Variants in MEGF8 observed in about 807,000 individuals in gnomAD.
MEGF8 encodes multiple EGF like domains 8.
A neutral mutation model predicts 302.9 loss-of-function variants in MEGF8; 156 were observed. The observed-to-expected ratio is 0.52, with a 90% CI of 0.45 to 0.59. MEGF8 has a LOEUF of 0.59. Ranked by LOEUF, MEGF8 falls within the 20% of genes least tolerant of loss-of-function variation. The pLI, the probability that MEGF8 is intolerant of heterozygous loss-of-function variation, is 0.00. For synonymous variants in MEGF8, 1,621 were observed against 1,660.5 expected (o/e 0.98, Z 0.58); for missense variants, 3,345 against 3,964.5 (o/e 0.84, Z 4.20).
intron 9 of MEGF8, 28 bp downstream of exon 9, chr19:42,343,659 T>C (rs1186459612): frequency 6.4e-7 from 1 of 1,572,438 alleles, no homozygotes. Flanking sequence ...AGGGAAAGGG[T>C]GGCTGGGGGG....
chr19:42,336,790 T>C lies in MEGF8; in HGVS notation c.1245-17T>C. On this transcript the variant is annotated splice_polypyrimidine_tract_variant and intron_variant, in intron 6 of 41. Transcript: ENST00000251268. This position sits in a 1 kb window ranked among gnomAD's most constrained non-coding sequence, Gnocchi z 4.8. ...CGCTTCCTGCCCTGAGCCCCTGCCC[T>C]GCTTCTCCTTCGGTAGGTTCTCTGT... is the stretch of plus-strand genomic sequence containing the variant. 1 of 1,567,810 alleles carries C rather than the reference T, an allele frequency of 6.4e-7. No individual in the cohort carries two copies. Among genetic ancestry groups the C allele is most frequent in the Non-Finnish European group, 8.6e-7 (1 of 1,157,812 alleles).
At chr19:42,348,854 G>A (rs1216318824) in intron 13 of MEGF8, among the ~76,000 whole-genome samples, 2 of 152,250 alleles carry the variant, frequency 1.3e-5, no homozygotes, top group Non-Finnish European at 2.9e-5. Context: ...CGCCACCTTG[G>A]CCTCCCAAAG....
At chr19:42,370,105 T>C in intron 38 of MEGF8, 84 bp from the exon 39 acceptor site, 1 of 1,470,228 alleles carries the variant, frequency 6.8e-7, no homozygotes, top group African/African-American at 1.4e-5. Flanking sequence ...CCGTGGGCTC[T>C]CAGAACCTGC....
chr19:42,356,940 T>C lies in MEGF8; in HGVS notation c.4789T>C (p.Trp1597Arg), dbSNP rs2039461327. 3.1e-6 allele frequency: 5 copies of C among 1,610,746 alleles called. No homozygotes were observed. The highest frequency in any genetic ancestry group is 4.2e-6 in the Non-Finnish European group (5 of 1,178,704). The change falls in exon 27 of 42, where the codon TGG (tryptophan) becomes CGG (arginine). Residue 1597 changes from tryptophan to arginine, a missense_variant. Transcript: ENST00000251268. This position sits in a 1 kb window ranked among gnomAD's most constrained non-coding sequence, Gnocchi z 5.2. ...LTAGGVTRDFWVLNLTTLQWR... is the reference protein window; with the variant it reads ...LTAGGVTRDFRVLNLTTLQWR... ...CGCTGGAGGCGTCACCCGTGATTTC[T>C]GGGTCCTCAACCTCACCACCCTGCA...
In MEGF8 at chr19:42,343,942, G is replaced by T. The variant is rs768512156; in HGVS notation, c.1669-12G>T. ...CCCTTGCCTCCCCCTCTGTCCCCTT[G>T]CCTCCCTGCAGTACCACTTGGACTA... On this transcript the variant is annotated splice_polypyrimidine_tract_variant and intron_variant, in intron 9 of 41. Transcript: ENST00000251268. 1 of 1,611,866 alleles carries T rather than the reference G, an allele frequency of 6.2e-7. No homozygotes were observed. Among genetic ancestry groups the T allele is most frequent in the Non-Finnish European group, 8.5e-7 (1 of 1,178,562 alleles).
chr19:42,352,429 G>T lies in MEGF8; in HGVS notation c.3323G>T (p.Gly1108Val). Reference sequence around the variant, plus strand: ...TGTCACTGCCAGCGGGGCTACCAGGGTGATGGCATCTCACACTGCAACCGC... The same window carrying T: ...TGTCACTGCCAGCGGGGCTACCAGGTTGATGGCATCTCACACTGCAACCGC... ...YECHCQRGYQ[G>V]DGISHCNRTC... Residue 1108 changes from glycine (G) to valine (V), a missense_variant, in exon 19 of 42, where the codon GGT (glycine) becomes GTT (valine). Physicochemically the swap from Gly to Val is moderately radical, Grantham distance 109. Transcript: ENST00000251268. The surrounding 1 kb of genome is among the most constrained non-coding windows in gnomAD (Gnocchi z 4.4). 2 of 1,599,284 alleles carry T rather than the reference G, an allele frequency of 1.3e-6. No individual in the cohort carries two copies. The highest frequency in any genetic ancestry group is 1.7e-6 in the Non-Finnish European group (2 of 1,173,088).
intron 1 of MEGF8, among the ~76,000 whole-genome samples, chr19:42,330,516 C>T (rs1262175929): frequency 6.6e-6 from 1 of 152,304 alleles, no homozygotes; most frequent in Non-Finnish European, 1.5e-5. Flanking sequence ...TTCCCCAAAG[C>T]ATGGGTGGGG....
chr19:42,371,441 G>A lies in MEGF8; in HGVS notation c.7228G>A (p.Gly2410Ser). The A allele has an allele frequency of 1.2e-6, 2 of 1,613,876 alleles. No homozygotes were observed. Among genetic ancestry groups the A allele is most frequent in the Non-Finnish European group, 1.7e-6 (2 of 1,179,876 alleles). ...TAACACAGAGACGGGCACATGCCAG[G>A]GCAGCTCCCCCAGTGACCGTCGAGA... The part of the protein sequence containing the change: ...QNNTETGTCQ[G>S]SSPSDRRDCY... The change falls in exon 41 of 42, where the codon GGC becomes AGC. Residue 2410 changes from glycine (G) to serine (S), a missense_variant. Coordinates refer to ENST00000251268, the MANE Select transcript of MEGF8 (RefSeq NM_001271938.2).
intron 1 of MEGF8, among the ~76,000 whole-genome samples, chr19:42,332,963 G>A (rs1011797732): frequency 1.3e-5 from 2 of 152,206 alleles, no homozygotes; most frequent in African/African-American, 4.8e-5. Flanking sequence ...CACACAGCTG[G>A]TAGCTATTTG....
In MEGF8 at chr19:42,335,937, C is replaced by T. The variant is rs2039121337; in HGVS notation, c.835C>T (p.Arg279Cys). 3.4e-6 allele frequency: 5 copies of T among 1,469,542 alleles called. No individual in the cohort carries two copies. Among genetic ancestry groups the T allele is most frequent in the Non-Finnish European group, 4.5e-6 (5 of 1,109,876 alleles). The allele number at this position is 1,469,542 out of a possible 1,614,324, so 91.0% of individuals were successfully genotyped here. The change falls in exon 6 of 42, where the codon CGT becomes TGT. Residue 279 changes from arginine to cysteine, a missense_variant. Physicochemically the swap from Arg to Cys is radical, Grantham distance 180 (BLOSUM62 -3). Coordinates refer to ENST00000251268, the MANE Select transcript of MEGF8 (RefSeq NM_001271938.2). ...SWDLSPAPAA[R>C]HSHVAVAWAG... ...TCTTTTCTCTTCCTCACAGGCTGCC[C>T]GTCACTCCCATGTGGCCGTGGCCTG...
At position 42,348,484 on chromosome 19, in the gene MEGF8, TGGGACATTCAGG is replaced by T; in HGVS notation, c.2298+16_2298+27del. On this transcript the variant is annotated intron_variant, in intron 13 of 41. Transcript: ENST00000251268. ...ACACGGAGAACATGGTGAGGCCGCC[TGGGACATTCAGG>T]GGGTTGTTTATGGTAAATAGGGAGT... The T allele has an allele frequency of 6.6e-7, 1 of 1,507,032 alleles. No homozygotes were observed. The highest frequency in any genetic ancestry group is 8.9e-7 in the Non-Finnish European group (1 of 1,126,958). 93.4% of individuals were successfully genotyped at this position (1,507,032 alleles called of 1,614,324 possible). A position where few individuals can be genotyped will look rare whatever the true frequency, so the allele number is the denominator to read the frequency against.
At chr19:42,333,483 A>C in intron 1 of MEGF8, 122 bp from the exon 2 acceptor site, 7 of 1,124,374 alleles carry the variant, frequency 6.2e-6, no homozygotes, top group African/African-American at 1.6e-5. Context: ...CCCAGGTCTG[A>C]CTCATTCTTG....
In MEGF8 at chr19:42,371,460, G is replaced by A. The variant is rs756370726; in HGVS notation, c.7247G>A (p.Arg2416His). ...GTCQGSSPSD[R>H]RDCYKYQCAK... Reference sequence around the variant, plus strand: ...TGCCAGGGCAGCTCCCCCAGTGACCGTCGAGACTGCTACAAGTACCAGGTG... The same window carrying A: ...TGCCAGGGCAGCTCCCCCAGTGACCATCGAGACTGCTACAAGTACCAGGTG... The change falls in exon 41 of 42, where the codon CGT becomes CAT. Residue 2416 changes from arginine (R) to histidine (H), a missense_variant. Coordinates refer to ENST00000251268, the MANE Select transcript of MEGF8 (RefSeq NM_001271938.2). The A allele has an allele frequency of 9.9e-6, 16 of 1,613,848 alleles. No homozygotes were observed. The highest frequency in any genetic ancestry group is 4.5e-5 in the East Asian group (2 of 44,874).
rs768197711 is a variant in MEGF8, at chr19:42,356,502, C to T, written c.4622+49C>T. 2.1e-5 allele frequency: 30 copies of T among 1,413,386 alleles called. No homozygotes were observed. Among genetic ancestry groups the T allele is most frequent in the Admixed American group, 6.9e-5 (3 of 43,636 alleles). The allele number at this position is 1,413,386 out of a possible 1,614,324, so 87.6% of individuals were successfully genotyped here. On this transcript the variant is annotated intron_variant, in intron 26 of 41. Transcript: ENST00000251268. The surrounding 1 kb of genome is among the most constrained non-coding windows in gnomAD (Gnocchi z 5.2). ...GGATTCGCAAATAAGAGAAGGTCAC[C>T]TCGGGATGCTAAGAGTCACCTCAGA...
intron 35 of MEGF8, among the ~76,000 whole-genome samples, chr19:42,365,418 T>C (rs997408781): frequency 6.6e-6 from 1 of 151,816 alleles, no homozygotes; most frequent in Admixed American, 6.6e-5. Context: ...TGATGGTGTA[T>C]GTGAATGTGA....
At chr19:42,355,697 TGGGGGTGGAAG>T in intron 23 of MEGF8, 50 bp from the exon 24 acceptor site, 1 of 1,491,144 alleles carries the variant, frequency 6.7e-7, no homozygotes, top group Non-Finnish European at 9.0e-7. Context: ...TCTTAGCATC[TGGGGGTGGAAG>T]GGGCCAGGAA....
In MEGF8 at chr19:42,356,760, C is replaced by T; in HGVS notation, c.4623-14C>T. The stretch of plus-strand genomic sequence containing the variant: ...TGACTGTAATGAGGCTGCTTTTTTG[C>T]ACCCTGGCCCCAGGTACTCAGTGAG... On this transcript the variant is annotated splice_polypyrimidine_tract_variant and intron_variant, in intron 26 of 41. Transcript: ENST00000251268. This position sits in a 1 kb window ranked among gnomAD's most constrained non-coding sequence, Gnocchi z 5.2. 1 of 1,534,762 alleles carries T rather than the reference C, an allele frequency of 6.5e-7. No individual in the cohort carries two copies. The highest frequency in any genetic ancestry group is 8.8e-7 in the Non-Finnish European group (1 of 1,138,176).
Position 42,368,644 on chromosome 19 carries a change from C to T in MEGF8, c.6463C>T (p.Leu2155Phe). 1 of 1,551,834 alleles carries T rather than the reference C, an allele frequency of 6.4e-7. No individual in the cohort carries two copies. The highest frequency in any genetic ancestry group is 1.4e-5 in the African/African-American group (1 of 73,740). The change falls in exon 36 of 42, where the codon CTC becomes TTC. Residue 2155 changes from leucine to phenylalanine, a missense_variant. Physicochemically the swap from Leu to Phe is conservative, Grantham distance 22. Coordinates refer to ENST00000251268, the MANE Select transcript of MEGF8 (RefSeq NM_001271938.2). This position sits in a 1 kb window ranked among gnomAD's most constrained non-coding sequence, Gnocchi z 4.9. Reference protein sequence around the residue: ...DGGGRCMEGGLSGPRDGLTCG... With the variant: ...DGGGRCMEGGFSGPRDGLTCG... ...GGGTGGCCGCTGCATGGAGGGTGGA[C>T]TCAGCGGCCCCCGTGATGGTGAGAG...
Position 42,348,466 on chromosome 19 carries a change from G to C in MEGF8, c.2292G>C (p.Glu764Asp). The C allele has an allele frequency of 1.3e-6, 2 of 1,517,810 alleles. No individual in the cohort carries two copies. The highest frequency in any genetic ancestry group is 1.8e-6 in the Non-Finnish European group (2 of 1,132,900). 94.0% of individuals were successfully genotyped at this position (1,517,810 alleles called of 1,614,324 possible). A position where few individuals can be genotyped will look rare whatever the true frequency, so the allele number is the denominator to read the frequency against. Residue 764 changes from glutamate (E) to aspartate (D), a missense_variant, in exon 13 of 42, where the codon GAG (glutamate) becomes GAC (aspartate). Coordinates refer to ENST00000251268, the MANE Select transcript of MEGF8 (RefSeq NM_001271938.2). ...LARMARGPDTENMEEVGRWVA... is the reference protein window; with the variant it reads ...LARMARGPDTDNMEEVGRWVA... ...GGATGGCCCGTGGCCCTGACACGGA[G>C]AACATGGTGAGGCCGCCTGGGACAT...
Sources: gnomAD v4.1 joint callset for allele counts (sites outside exome capture counted in the v4.1 genomes callset) on GRCh38, gnomAD v4.1.1 for gene constraint, Gnocchi (gnomAD v3.1) non-coding constraint, MANE v1.5 for transcripts, NCBI Gene and HGNC (gene_info 2026-07-23, HGNC 2026-07-21) for gene names.